GSK3B: variants seen among roughly 807,000 people sequenced by gnomAD.
GSK3B encodes the protein glycogen synthase kinase 3 beta.
GSK3B carries 15 observed loss-of-function variants against 56.4 expected under a neutral mutation model. The observed-to-expected ratio is 0.27, with a 90% CI of 0.18 to 0.41. GSK3B has a LOEUF of 0.41. GSK3B is among the 10% of genes least tolerant of loss of function. The pLI, the probability that GSK3B is intolerant of heterozygous loss-of-function variation, is 1.00. For missense variants in GSK3B, 300 were observed against 513.4 expected, an observed-to-expected ratio of 0.58 and a Z score of 4.02; for synonymous variants, 181 against 188.9, an observed-to-expected ratio of 0.96 and a Z score of 0.34.
chr3:120,084,246 T>C (rs2058445148), intron 1 of GSK3B, among the ~76,000 whole-genome samples: 1 of 152,140 alleles, frequency 6.6e-6, no homozygotes, highest in Non-Finnish European at 1.5e-5. Flanking sequence ...ATAATAGTTT[T>C]TAAATAGTGG....
intron 10 of GSK3B, among the ~76,000 whole-genome samples, chr3:119,832,298 A>G (rs2055614375): frequency 6.6e-6 from 1 of 152,240 alleles, no homozygotes; most frequent in South Asian, 2.1e-4. Flanking sequence ...GTGGAAGCAG[A>G]GCTTCTGCCT....
In GSK3B at chr3:119,956,411, C is replaced by A. The variant is rs138277177; in HGVS notation, c.283-9060G>T. On this transcript the variant is annotated intron_variant, in intron 2 of 10. Coordinates refer to ENST00000264235, the MANE Select transcript of GSK3B (RefSeq NM_001146156.2). The stretch of plus-strand genomic sequence containing the variant: ...TACACATTATCCGAAATGCTTGGGA[C>A]CAAAAGTGTTTCAGACTTCAGACTT... 3.5e-4 allele frequency among the ~76,000 whole-genome samples: 53 copies of A among 152,232 alleles called. 1 individual carries two copies. The East Asian group carries it at 0.01, about 29-fold the overall frequency.
At chr3:119,907,561 C>T (rs1288498900) in intron 6 of GSK3B, among the ~76,000 whole-genome samples, 5 of 152,070 alleles carry the variant, frequency 3.3e-5, no homozygotes, top group Non-Finnish European at 7.4e-5. Context: ...TGAAATTCTC[C>T]AGATAGAATA....
chr3:119,847,958 G>A lies in GSK3B; in HGVS notation c.1097-4605C>T, dbSNP rs569921937. On this transcript the variant is annotated intron_variant, in intron 9 of 10. Transcript: ENST00000264235. ...AGATAAGACTTATCTAGACACTAGT[G>A]GAAAAAGGATTTGAGAAACATCTGT... 7.2e-5 allele frequency among the ~76,000 whole-genome samples: 11 copies of A among 152,198 alleles called. No individual in the cohort carries two copies. The South Asian group carries it at 2.1e-3, about 29-fold the overall frequency.
intron 7 of GSK3B, among the ~76,000 whole-genome samples, chr3:119,878,241 T>A (rs1327351707): frequency 6.6e-6 from 1 of 152,162 alleles, no homozygotes; most frequent in Non-Finnish European, 1.5e-5. Context: ...AAAGGGCTTG[T>A]ATTTACAATA....
At chr3:120,062,425 A>G (rs1340575511) in intron 1 of GSK3B, among the ~76,000 whole-genome samples, 6 of 152,202 alleles carry the variant, frequency 3.9e-5, no homozygotes, top group Non-Finnish European at 1.5e-5. Context: ...CACTAATACC[A>G]AAGTCTAAGG....
intron 2 of GSK3B, among the ~76,000 whole-genome samples, chr3:119,995,506 C>T (rs1449633252): frequency 1.3e-5 from 2 of 151,806 alleles, no homozygotes; most frequent in African/African-American, 4.8e-5. Context: ...CACTCTGTCA[C>T]CAGGCTGGAG....
rs189912275 is a variant in GSK3B at position 119,833,147 on chromosome 3, T to G, written c.1196-6292A>C. Among the ~76,000 whole-genome samples the G allele has an allele frequency of 3.4e-5, 4 of 116,652 alleles. No individual in the cohort carries two copies. In the Admixed American group the frequency reaches 4.1e-4, roughly 12 times the overall value. 76.5% of individuals were successfully genotyped at this position (116,652 alleles called of 152,430 possible). A position where few individuals can be genotyped will look rare whatever the true frequency, so the allele number is the denominator to read the frequency against. On this transcript the variant is annotated intron_variant, in intron 10 of 10. Transcript: ENST00000264235. ...CCCACCCCCCGCCCACAAATGGTCC[T>G]GTCCATACTCCCTGTCCCAAATGTG... is the stretch of plus-strand genomic sequence containing the variant.
intron 1 of GSK3B, among the ~76,000 whole-genome samples, chr3:120,079,332 ACACACACACACACACACATTT>A (rs1263671833): frequency 2.7e-5 from 4 of 146,948 alleles, no homozygotes; most frequent in African/African-American, 1.0e-4. Context: ...ACACACACAC[ACACACACACACACACACATTT>A]TTTTTTTTAA....
chr3:119,955,445 G>A (rs558998018), intron 2 of GSK3B, among the ~76,000 whole-genome samples: 8 of 152,198 alleles, frequency 5.3e-5, no homozygotes, highest in African/African-American at 1.7e-4. Flanking sequence ...ACAGTCTAAT[G>A]GGTGAGCAAA....
At chr3:120,090,133 C>T (rs115760931) in intron 1 of GSK3B, among the ~76,000 whole-genome samples, 2,298 of 151,884 alleles carry the variant, frequency 0.015, 57 homozygotes, top group African/African-American at 0.051. Context: ...ATGTTACAGT[C>T]ACAGTTTAGT....
intron 3 of GSK3B, among the ~76,000 whole-genome samples, chr3:119,941,324 T>A (rs1293860615): frequency 6.6e-6 from 1 of 152,182 alleles, no homozygotes; most frequent in Admixed American, 6.5e-5. Flanking sequence ...GGCGTAATAC[T>A]ACTATTAATA....
chr3:119,970,810 A>C (rs79669032), intron 2 of GSK3B, among the ~76,000 whole-genome samples: 12,997 of 151,528 alleles, frequency 0.086, 689 homozygotes, highest in Non-Finnish European at 0.12. Flanking sequence ...AACAAACAAA[A>C]AAAACAAAAA....
intron 3 of GSK3B, among the ~76,000 whole-genome samples, chr3:119,940,228 C>T (rs1050319765): frequency 1.7e-4 from 26 of 151,504 alleles, no homozygotes; most frequent in Non-Finnish European, 5.9e-5. Context: ...CTCATTTTAG[C>T]GATAAGGAGA....
At chr3:119,837,665 A>C (rs1577305590) in intron 10 of GSK3B, among the ~76,000 whole-genome samples, 1 of 151,790 alleles carries the variant, frequency 6.6e-6, no homozygotes, top group East Asian at 1.9e-4. Flanking sequence ...CAAACAGATA[A>C]AACCAGAAAA....
intron 7 of GSK3B, among the ~76,000 whole-genome samples, chr3:119,902,748 C>G (rs1203920232): frequency 6.6e-6 from 1 of 152,024 alleles, no homozygotes; most frequent in Non-Finnish European, 1.5e-5. Context: ...CACAGTCTCG[C>G]TCTGTCACAC....
In GSK3B at chr3:119,843,357, T is replaced by C. The variant is rs202221081; in HGVS notation, c.1097-4A>G. ...AGAGGTGGATTACTTGACAGTTCTATAGAAGGTTAAGACACAAATGTTAGA... is the reference window on the plus strand; with the variant it reads ...AGAGGTGGATTACTTGACAGTTCTACAGAAGGTTAAGACACAAATGTTAGA... On this transcript the variant is annotated splice_region_variant and splice_polypyrimidine_tract_variant and intron_variant, in intron 9 of 10. Transcript: ENST00000264235. 1.3e-5 allele frequency: 20 copies of C among 1,545,786 alleles called. No homozygotes were observed. Among genetic ancestry groups the C allele is most frequent in the East Asian group, 2.3e-5 (1 of 44,330 alleles).
chr3:119,911,994 GA>G (rs2056739160), intron 6 of GSK3B, among the ~76,000 whole-genome samples: 1 of 152,166 alleles, frequency 6.6e-6, no homozygotes, highest in Non-Finnish European at 1.5e-5. Flanking sequence ...TTTCCTTTAA[GA>G]ACTTTTCCTT....
rs184523772 is a variant in GSK3B at position 119,968,329 on chromosome 3, A to C, written c.283-20978T>G. Among the ~76,000 whole-genome samples, 254 of 152,294 alleles carry C rather than the reference A, an allele frequency of 1.7e-3. 3 individuals carry two copies. Among genetic ancestry groups the C allele is most frequent in the Admixed American group, 0.016 (239 of 15,290 alleles). On this transcript the variant is annotated intron_variant, in intron 2 of 10. Transcript: ENST00000264235. Reference sequence around the variant, plus strand: ...TTACATCACACAAAGAAATTAACCCAAAACTGGACAAAAACATTATAAAAA... The same window carrying C: ...TTACATCACACAAAGAAATTAACCCCAAACTGGACAAAAACATTATAAAAA...
Sources: allele counts gnomAD v4.1 joint callset (sites outside exome capture counted in the v4.1 genomes callset), GRCh38; gene constraint gnomAD v4.1.1; transcripts MANE v1.5; gene names NCBI Gene and HGNC (gene_info 2026-07-23, HGNC 2026-07-21).